The following UVRAG variants were observed in gnomAD, a reference collection of about 807,000 sequenced individuals.
UVRAG encodes UV radiation resistance-associated gene protein.
Under a neutral mutation model 78.0 loss-of-function variants are expected in UVRAG, and 19 were observed. The observed-to-expected ratio is 0.24, with a 90% CI of 0.17 to 0.36. The LOEUF (loss-of-function observed/expected upper bound fraction) is 0.36, where lower values mean the gene tolerates loss of function less well. UVRAG is among the 10% of genes least tolerant of loss of function. The pLI, the probability that UVRAG is intolerant of heterozygous loss-of-function variation, is 1.00. For missense variants in UVRAG, 740 were observed against 853.8 expected, an observed-to-expected ratio of 0.87 and a Z score of 1.66; for synonymous variants, 323 against 324.6, an observed-to-expected ratio of 1.00 and a Z score of 0.05.
At chr11:76,028,635 C>A (rs1423697342) in intron 12 of UVRAG, among the ~76,000 whole-genome samples, 2 of 152,110 alleles carry the variant, frequency 1.3e-5, no homozygotes, top group Non-Finnish European at 2.9e-5. Context: ...AAAAGTCAAA[C>A]CAGCCGCAAC....
intron 12 of UVRAG, among the ~76,000 whole-genome samples, chr11:76,050,004 A>G (rs562252154): frequency 1.3e-5 from 2 of 152,342 alleles, no homozygotes; most frequent in Admixed American, 1.3e-4. Context: ...AGGATTGTAT[A>G]GATAAAGTAT....
chr11:76,008,768 G>A, intron 10 of UVRAG, 39 bp from the exon 11 acceptor site: 1 of 1,181,202 alleles, frequency 8.5e-7, no homozygotes, highest in Non-Finnish European at 1.2e-6. Flanking sequence ...GAGTTTCTTT[G>A]CTTTATTTAT....
intron 2 of UVRAG, among the ~76,000 whole-genome samples, chr11:75,855,897 T>G (rs1035928979): frequency 9.2e-5 from 14 of 152,262 alleles, no homozygotes; most frequent in African/African-American, 3.1e-4. Context: ...TCCAATCAAA[T>G]ACTAGTTATT....
At chr11:75,833,727 A>G (rs1331342106) in intron 1 of UVRAG, among the ~76,000 whole-genome samples, 2 of 152,244 alleles carry the variant, frequency 1.3e-5, no homozygotes, top group Admixed American at 1.3e-4. Flanking sequence ...TTATAGATTA[A>G]CTAAAAGTAT....
chr11:75,866,103 C>CA (rs1430243972), intron 3 of UVRAG, among the ~76,000 whole-genome samples: 1 of 151,722 alleles, frequency 6.6e-6, no homozygotes, highest in Non-Finnish European at 1.5e-5. Flanking sequence ...CCAAAAAATG[C>CA]AAAAATTACC....
intron 8 of UVRAG, among the ~76,000 whole-genome samples, chr11:75,987,146 G>C (rs546682995): frequency 2.0e-5 from 3 of 152,230 alleles, no homozygotes; most frequent in South Asian, 2.1e-4. Flanking sequence ...TGGGTCATAT[G>C]AGAACTCTAT....
At chr11:75,895,661 G>A (rs1428397535) in intron 5 of UVRAG, among the ~76,000 whole-genome samples, 3 of 150,394 alleles carry the variant, frequency 2.0e-5, no homozygotes, top group African/African-American at 7.4e-5. Flanking sequence ...AAAAAAAATA[G>A]AGATGAGGTC....
chr11:76,011,637 AC>A, intron 11 of UVRAG, among the ~76,000 whole-genome samples: 1 of 152,258 alleles, frequency 6.6e-6, no homozygotes, highest in South Asian at 2.1e-4. Flanking sequence ...ACAAAAACAA[AC>A]AAATAAAATC....
chr11:76,077,914 G>A (rs1321464623), intron 13 of UVRAG, among the ~76,000 whole-genome samples: 1 of 152,116 alleles, frequency 6.6e-6, no homozygotes, highest in African/African-American at 2.4e-5. Context: ...TGTTTTAAAA[G>A]ATTCACTTTA....
chr11:76,033,439 C>T (rs1950474602), intron 12 of UVRAG, among the ~76,000 whole-genome samples: 1 of 151,884 alleles, frequency 6.6e-6, no homozygotes, highest in Non-Finnish European at 1.5e-5. Context: ...AGAAATGAGA[C>T]TCATAAGTTT....
At chr11:75,916,167 G>A (rs1947849192) in intron 6 of UVRAG, 3 of 152,124 alleles carry the variant, frequency 2.0e-5, no homozygotes, top group Admixed American at 2.0e-4. Flanking sequence ...ATAAGTGGAA[G>A]TATGGTGGAA....
intron 6 of UVRAG, among the ~76,000 whole-genome samples, chr11:75,954,119 G>A (rs1169675255): frequency 6.6e-6 from 1 of 152,134 alleles, no homozygotes; most frequent in African/African-American, 2.4e-5. Flanking sequence ...TTATTCTCCT[G>A]TTGGGTTTGA....
intron 6 of UVRAG, among the ~76,000 whole-genome samples, chr11:75,932,164 A>G (rs934670482): frequency 1.3e-5 from 2 of 152,220 alleles, no homozygotes; most frequent in Admixed American, 6.5e-5. Context: ...GGCAATATCA[A>G]TTTATAACAG....
chr11:75,928,939 CAAAAAAAAAAAA>C (rs368913080), intron 6 of UVRAG, among the ~76,000 whole-genome samples: 2 of 67,490 alleles, frequency 3.0e-5, no homozygotes, highest in Non-Finnish European at 4.6e-5. Context: ...GAGACTGTCT[CAAAAAAAAAAAA>C]AAAAAAAAAA....
At chr11:76,100,845 T>C (rs1439226384) in intron 13 of UVRAG, among the ~76,000 whole-genome samples, 4 of 152,166 alleles carry the variant, frequency 2.6e-5, no homozygotes, top group Non-Finnish European at 5.9e-5. Context: ...CACTTGCAAG[T>C]GAGAACATGT....
intron 2 of UVRAG, among the ~76,000 whole-genome samples, chr11:75,857,495 C>T (rs189093540): frequency 6.6e-5 from 10 of 151,482 alleles, no homozygotes; most frequent in Admixed American, 4.6e-4. Flanking sequence ...TTTTCCCCCC[C>T]CCTTTTTTTT....
chr11:75,860,146 T>C (rs902655125), intron 2 of UVRAG, among the ~76,000 whole-genome samples: 5 of 152,106 alleles, frequency 3.3e-5, no homozygotes, highest in Admixed American at 2.0e-4. Flanking sequence ...GATTTCACCA[T>C]GTTGGCCAGA....
intron 1 of UVRAG, among the ~76,000 whole-genome samples, chr11:75,834,873 T>C (rs1191608966): frequency 6.6e-6 from 1 of 152,120 alleles, no homozygotes; most frequent in Non-Finnish European, 1.5e-5. Context: ...GCAAAGGGTC[T>C]CACTATGTTG....
intron 12 of UVRAG, among the ~76,000 whole-genome samples, chr11:76,033,025 C>G (rs532532985): frequency 3.5e-4 from 54 of 152,182 alleles, no homozygotes; most frequent in African/African-American, 1.3e-3. Flanking sequence ...TTTTTGATCA[C>G]GGATTGGTTG....
Sources: allele counts gnomAD v4.1 joint callset (sites outside exome capture counted in the v4.1 genomes callset), GRCh38; gene constraint gnomAD v4.1.1; transcripts MANE v1.5; gene names NCBI Gene and HGNC (gene_info 2026-07-23, HGNC 2026-07-21).